Variants in CAAP1 observed in about 807,000 individuals in gnomAD.
The protein encoded by CAAP1 is caspase activity and apoptosis inhibitor 1.
CAAP1 carries 20 observed loss-of-function variants against 34.0 expected under a neutral mutation model. The observed-to-expected ratio is 0.59, with a 90% CI of 0.41 to 0.86. CAAP1 has a LOEUF of 0.86. Among genes scored for constraint, CAAP1 ranks in the 40% least tolerant of loss-of-function variants. The pLI is 0.00. For missense variants in CAAP1, 538 were observed against 450.5 expected (o/e 1.19, Z -1.76); for synonymous variants, 213 against 166.7 (o/e 1.28, Z -2.14).
At chr9:26,871,380 C>T (rs749563067) in intron 4 of CAAP1, among the ~76,000 whole-genome samples, 10 of 152,110 alleles carry the variant, frequency 6.6e-5, no homozygotes, top group Admixed American at 1.3e-4. Flanking sequence ...GAGTTAGAGA[C>T]GAGCCTGGCC....
In CAAP1 at chr9:26,892,452, C is replaced by A; in HGVS notation, c.264G>T (p.Arg88Ser). ...CCGAGACGCTGGAAGAGTCGGTACT[C>A]CTCCGCTTCCGGCGCTCGCTGCGCT... is the stretch of plus-strand genomic sequence containing the variant. ...SVERSERRKR[R>S]STDSSSVSGS... Residue 88 changes from arginine to serine, a missense_variant, in exon 1 of 6, where the codon AGG becomes AGT. By Grantham distance (110) the Arg-to-Ser change is moderately radical. This residue lies in a region of CAAP1 where 514 missense variants were observed against 408.4 expected (regional missense o/e 1.26). Transcript: ENST00000333916. The A allele has an allele frequency of 3.2e-6, 5 of 1,586,128 alleles. No individual in the cohort carries two copies. In the East Asian group the frequency reaches 9.2e-5, roughly 29 times the overall value.
rs141510062 is a variant in CAAP1 at position 26,847,578 on chromosome 9, G to A, written c.740-4931C>T. Among the ~76,000 whole-genome samples, 471 of 152,090 alleles carry A rather than the reference G, an allele frequency of 3.1e-3. 2 individuals carry two copies. Among genetic ancestry groups the A allele is most frequent in the Non-Finnish European group, 5.0e-3 (339 of 68,000 alleles). On this transcript the variant is annotated intron_variant, in intron 5 of 5. Coordinates refer to ENST00000333916, the MANE Select transcript of CAAP1 (RefSeq NM_024828.4). ...AATTAGGTTGAGCATTCTTTTCCAC[G>A]TGTGTATTGCCTTCTGTATTTCCAG...
chr9:26,882,560 T>C (rs1721561533), intron 4 of CAAP1, among the ~76,000 whole-genome samples: 1 of 152,132 alleles, frequency 6.6e-6, no homozygotes, highest in African/African-American at 2.4e-5. Flanking sequence ...GGGGCTCTCA[T>C]AGAGAATCTC....
At chr9:26,878,670 G>T (rs928118400) in intron 4 of CAAP1, among the ~76,000 whole-genome samples, 7 of 152,096 alleles carry the variant, frequency 4.6e-5, no homozygotes, top group East Asian at 1.9e-4. Flanking sequence ...CACCACTTTG[G>T]CCAGGCATGG....
At chr9:26,858,605 G>A (rs992129423) in intron 5 of CAAP1, among the ~76,000 whole-genome samples, 1 of 152,078 alleles carries the variant, frequency 6.6e-6, no homozygotes. Context: ...GGCAGATCAC[G>A]AGGTCAGGAG....
Position 26,842,222 on chromosome 9 carries a change from C to A in CAAP1, c.*79G>T. On this transcript the variant is annotated 3_prime_UTR_variant, in exon 6 of 6. Transcript: ENST00000333916. ...TTACATGAGAAATAACATATAAGACCCCAAATAAATTTTAGATACAAAATT... is the reference window on the plus strand; with the variant it reads ...TTACATGAGAAATAACATATAAGACACCAAATAAATTTTAGATACAAAATT... 2.6e-6 allele frequency: 3 copies of A among 1,151,608 alleles called. No individual in the cohort carries two copies. The highest frequency in any genetic ancestry group is 3.6e-6 in the Non-Finnish European group (3 of 824,568). The allele number at this position is 1,151,608 out of a possible 1,614,324, so 71.3% of individuals were successfully genotyped here.
rs1185421300 is a variant in CAAP1 at position 26,892,722 on chromosome 9, T to C, written c.-7A>G. On this transcript the variant is annotated 5_prime_UTR_variant, in exon 1 of 6. Transcript: ENST00000333916. ...AGGACTTTTTCCCCGTCATGATCCC[T>C]CTGCTGCAACCATCGGAGGAAAGTC... is the stretch of plus-strand genomic sequence containing the variant. The C allele has an allele frequency of 4.4e-6, 7 of 1,578,622 alleles. No homozygotes were observed. The highest frequency in any genetic ancestry group is 6.0e-6 in the Non-Finnish European group (7 of 1,166,520).
At chr9:26,879,114 C>T (rs893047952) in intron 4 of CAAP1, among the ~76,000 whole-genome samples, 2 of 152,208 alleles carry the variant, frequency 1.3e-5, no homozygotes, top group African/African-American at 4.8e-5. Flanking sequence ...CCACAGGTAT[C>T]TTTCCATGAC....
intron 1 of CAAP1, among the ~76,000 whole-genome samples, chr9:26,890,378 GA>G (rs74178366): frequency 0.047 from 6,354 of 136,272 alleles, 475 homozygotes; most frequent in African/African-American, 0.16. Flanking sequence ...CTCAAAAAAA[GA>G]AAAAAAAAAA....
rs138331377 is a variant in CAAP1, at chr9:26,867,088, T to C, written c.666-5949A>G. On this transcript the variant is annotated intron_variant, in intron 4 of 5. Coordinates refer to ENST00000333916, the MANE Select transcript of CAAP1 (RefSeq NM_024828.4). ...CATGCAAGGGATCTCGGTTGCATGCTCCTTATGAGAATCTAATGCCTGATA... is the reference window on the plus strand; with the variant it reads ...CATGCAAGGGATCTCGGTTGCATGCCCCTTATGAGAATCTAATGCCTGATA... Among the ~76,000 whole-genome samples the C allele has an allele frequency of 9.8e-3, 1,489 of 152,236 alleles. 18 individuals are homozygous for C. The highest frequency in any genetic ancestry group is 0.034 in the African/African-American group (1,402 of 41,524).
At chr9:26,850,720 G>A (rs1039770785) in intron 5 of CAAP1, among the ~76,000 whole-genome samples, 2 of 152,112 alleles carry the variant, frequency 1.3e-5, no homozygotes, top group African/African-American at 4.8e-5. Flanking sequence ...CAGTTATAAT[G>A]GACAGGTGAA....
In CAAP1 at chr9:26,884,364, C is replaced by T. The variant is rs192055273; in HGVS notation, c.665+446G>A. Among the ~76,000 whole-genome samples the T allele has an allele frequency of 3.3e-4, 50 of 152,190 alleles. No homozygotes were observed. The East Asian group carries it at 9.3e-3, about 28-fold the overall frequency. On this transcript the variant is annotated intron_variant, in intron 4 of 5. Transcript: ENST00000333916. ...TACATTTATAGGTAAAATATGCAGA[C>T]TTACATGAACATAACTATCTCTTCT...
chr9:26,847,198 A>ATATTTTTTTT (rs1554649570), intron 5 of CAAP1, among the ~76,000 whole-genome samples: 9 of 34,710 alleles, frequency 2.6e-4, no homozygotes, highest in African/African-American at 1.1e-3. Flanking sequence ...AAAAAGCAAT[A>ATATTTTTTTT]TTTTTTTTTT....
At chr9:26,865,190 C>T (rs1462568898) in intron 4 of CAAP1, among the ~76,000 whole-genome samples, 1 of 152,066 alleles carries the variant, frequency 6.6e-6, no homozygotes, top group Non-Finnish European at 1.5e-5. Flanking sequence ...AAAATAGACA[C>T]ATACCAATGA....
chr9:26,850,446 G>A (rs1397577361), intron 5 of CAAP1, among the ~76,000 whole-genome samples: 1 of 152,150 alleles, frequency 6.6e-6, no homozygotes, highest in Non-Finnish European at 1.5e-5. Flanking sequence ...TCTGTTTGAG[G>A]ATCATGATTG....
At chr9:26,854,326 C>T (rs1822819400) in intron 5 of CAAP1, among the ~76,000 whole-genome samples, 1 of 152,158 alleles carries the variant, frequency 6.6e-6, no homozygotes, top group African/African-American at 2.4e-5. Flanking sequence ...GTTTAAGTAA[C>T]TTGCCCTAGG....
At chr9:26,847,198 A>ATATTTTTTTTTT (rs1554649570) in intron 5 of CAAP1, among the ~76,000 whole-genome samples, 2 of 34,708 alleles carry the variant, frequency 5.8e-5, no homozygotes, top group African/African-American at 2.4e-4. Flanking sequence ...AAAAAGCAAT[A>ATATTTTTTTTTT]TTTTTTTTTT....
chr9:26,846,617 G>T (rs530161404), intron 5 of CAAP1, among the ~76,000 whole-genome samples: 2 of 150,876 alleles, frequency 1.3e-5, no homozygotes, highest in Non-Finnish European at 3.0e-5. Flanking sequence ...TTCTTTTAAC[G>T]CTTTTTACAG....
At chr9:26,874,331 T>C (rs1346758332) in intron 4 of CAAP1, among the ~76,000 whole-genome samples, 1 of 152,036 alleles carries the variant, frequency 6.6e-6, no homozygotes, top group Non-Finnish European at 1.5e-5. Context: ...TCTGCATAAC[T>C]GGAATATCCA....
Sources: allele counts gnomAD v4.1 joint callset (sites outside exome capture counted in the v4.1 genomes callset), GRCh38; gene constraint gnomAD v4.1.1; regional missense constraint gnomAD v4.1.1; transcripts MANE v1.5; gene names NCBI Gene and HGNC (gene_info 2026-07-23, HGNC 2026-07-21).